The following ATOSA variants were observed in gnomAD, a reference collection of about 807,000 sequenced individuals.
ATOSA encodes atos homolog protein A.
At chr15:52,668,382 C>G in the ATOSA span, among the ~76,000 whole-genome samples, 838 of 152,190 alleles carry the variant, frequency 5.5e-3, 5 homozygotes, top group Middle Eastern at 0.01. Context: ...GCGAGTAGAA[C>G]AGTGGTTTCC....
the ATOSA span, among the ~76,000 whole-genome samples, chr15:52,624,980 T>C: frequency 6.6e-6 from 1 of 152,136 alleles, no homozygotes; most frequent in African/African-American, 2.4e-5. Context: ...GGTTTTACCA[T>C]GTTGGTCAGG....
chr15:52,654,308 T>G, the ATOSA span, among the ~76,000 whole-genome samples: 1 of 152,184 alleles, frequency 6.6e-6, no homozygotes, highest in Non-Finnish European at 1.5e-5. Flanking sequence ...TTTTATTTAG[T>G]GAAATGCTCC....
the ATOSA span, among the ~76,000 whole-genome samples, chr15:52,692,824 C>CTT: frequency 7.7e-4 from 114 of 148,286 alleles, no homozygotes; most frequent in East Asian, 0.013. Flanking sequence ...AGCACAGGGC[C>CTT]TTTTTTTTTT....
the ATOSA span, chr15:52,587,281 TAAG>T: frequency 3.0e-6 from 4 of 1,323,502 alleles, no homozygotes; most frequent in Admixed American, 8.7e-5. Context: ...AAGACTAAAA[TAAG>T]AATAACTCAT....
chr15:52,611,132 G>A, the ATOSA span: 217 of 1,613,114 alleles, frequency 1.3e-4, no homozygotes, highest in African/African-American at 2.4e-3. Context: ...AGACATACCT[G>A]TAGAGAATAT....
the ATOSA span, chr15:52,611,245 G>T: frequency 6.2e-7 from 1 of 1,612,404 alleles, no homozygotes; most frequent in Non-Finnish European, 8.5e-7. Context: ...TCAATAAATC[G>T]GTCACCATTC....
At chr15:52,660,770 G>A in the ATOSA span, among the ~76,000 whole-genome samples, 127 of 152,186 alleles carry the variant, frequency 8.3e-4, no homozygotes, top group Non-Finnish European at 1.6e-3. Flanking sequence ...TCCTGCCTCA[G>A]CCTCCTGAGG....
At chr15:52,608,967 T>G in the ATOSA span, 50 of 1,611,694 alleles carry the variant, frequency 3.1e-5, no homozygotes, top group East Asian at 1.1e-3. Flanking sequence ...TACAAATCTG[T>G]TTGTCAATAG....
the ATOSA span, among the ~76,000 whole-genome samples, chr15:52,636,365 C>T: frequency 6.6e-6 from 1 of 152,000 alleles, no homozygotes; most frequent in Non-Finnish European, 1.5e-5. Flanking sequence ...TAAATTGTGT[C>T]CCTTCCAAAA....
At chr15:52,613,227 G>A in the ATOSA span, among the ~76,000 whole-genome samples, 6 of 152,190 alleles carry the variant, frequency 3.9e-5, 1 homozygote, top group Admixed American at 1.3e-4. Flanking sequence ...TTAGCCTGGT[G>A]TGGTGGCACG....
At chr15:52,689,327 C>A in the ATOSA span, among the ~76,000 whole-genome samples, 1 of 152,114 alleles carries the variant, frequency 6.6e-6, no homozygotes, top group Non-Finnish European at 1.5e-5. Context: ...ATTTTCCTCT[C>A]AGTAAATTAT....
the ATOSA span, among the ~76,000 whole-genome samples, chr15:52,669,379 C>T: frequency 6.6e-6 from 1 of 152,016 alleles, no homozygotes; most frequent in Non-Finnish European, 1.5e-5. Flanking sequence ...TATTTTAAGA[C>T]CAAAATAAAC....
chr15:52,611,019 A>ACTTACATTT, the ATOSA span: 6 of 1,250,134 alleles, frequency 4.8e-6, no homozygotes, highest in Non-Finnish European at 6.5e-6. Context: ...AATTTTATCC[A>ACTTACATTT]CTTACATTTA....
At chr15:52,661,095 A>C in the ATOSA span, among the ~76,000 whole-genome samples, 1 of 152,238 alleles carries the variant, frequency 6.6e-6, no homozygotes, top group South Asian at 2.1e-4. Context: ...CTAAATAATT[A>C]GTTTATACCA....
At chr15:52,651,143 A>G in the ATOSA span, among the ~76,000 whole-genome samples, 3 of 152,206 alleles carry the variant, frequency 2.0e-5, no homozygotes, top group African/African-American at 7.2e-5. Flanking sequence ...TATTACATTT[A>G]GGAGGCCTAC....
chr15:52,665,994 A>G, the ATOSA span, among the ~76,000 whole-genome samples: 2 of 152,168 alleles, frequency 1.3e-5, no homozygotes, highest in South Asian at 4.1e-4. Context: ...TACTATTAAT[A>G]TGTACGTACA....
chr15:52,641,872 A>G, the ATOSA span, among the ~76,000 whole-genome samples: 1 of 152,236 alleles, frequency 6.6e-6, no homozygotes, highest in Admixed American at 6.5e-5. Flanking sequence ...GATAACAATC[A>G]AGTAGTGGGA....
At chr15:52,600,974 A>C in the ATOSA span, 3 of 725,948 alleles carry the variant, frequency 4.1e-6, no homozygotes, top group Admixed American at 8.8e-5. Flanking sequence ...TCATACTCTA[A>C]ATAAGATTCC....
the ATOSA span, among the ~76,000 whole-genome samples, chr15:52,630,218 A>C: frequency 6.6e-6 from 1 of 152,228 alleles, no homozygotes; most frequent in Non-Finnish European, 1.5e-5. Context: ...AATGTTCTAC[A>C]ACTTTGTTTC....
Sources: gnomAD v4.1 joint callset for allele counts (sites outside exome capture counted in the v4.1 genomes callset) on GRCh38, gnomAD v4.1.1 for gene constraint, MANE v1.5 for transcripts, NCBI Gene and HGNC (gene_info 2026-07-23, HGNC 2026-07-21) for gene names.